OTOA: variants seen among roughly 807,000 people sequenced by gnomAD.
The protein encoded by OTOA is otoancorin, also known as cancer/testis antigen 108.
A neutral mutation model predicts 110.8 loss-of-function variants in OTOA; 70 were observed. The observed-to-expected ratio is 0.63, with a 90% confidence interval of 0.52 to 0.77. The LOEUF (loss-of-function observed/expected upper bound fraction) is 0.77. Ranked by LOEUF, OTOA falls within the 30% of genes least tolerant of loss-of-function variation. OTOA has a pLI of 0.00. For missense variants in OTOA, 917 were observed against 1,075.8 expected, an observed-to-expected ratio of 0.85 and a Z score of 2.06; for synonymous variants, 373 against 431.5, an observed-to-expected ratio of 0.86 and a Z score of 1.68.
chr16:21,701,185 T>A (rs1898046380), intron 11 of OTOA, 158 bp downstream of exon 11: 1 of 1,095,968 alleles, frequency 9.1e-7, no homozygotes, highest in African/African-American at 1.6e-5. Flanking sequence ...GAGAGGTGTC[T>A]GCAACTTTTT....
At position 21,705,289 on chromosome 16, in the gene OTOA, G is replaced by C; in HGVS notation, c.1101G>C (p.Gln367His). The C allele has an allele frequency of 6.2e-7, 1 of 1,613,816 alleles. No homozygotes were observed. The highest frequency in any genetic ancestry group is 8.5e-7 in the Non-Finnish European group (1 of 1,180,012). ...SHLRGFQAGVQKLKAELLDIA... is the reference protein window; with the variant it reads ...SHLRGFQAGVHKLKAELLDIA... ...TGAGGGGCTTCCAGGCTGGCGTCCAGAAGGTACAGCTGGGGTGCAAGGCCC... is the reference window on the plus strand; with the variant it reads ...TGAGGGGCTTCCAGGCTGGCGTCCACAAGGTACAGCTGGGGTGCAAGGCCC... Residue 367 changes from glutamine (Q) to histidine (H), a missense_variant, in exon 12 of 29, where the codon CAG becomes CAC. Transcript: ENST00000646100.
rs951255922 is a variant in OTOA at position 21,722,957 on chromosome 16, C to T, written c.1859C>T (p.Pro620Leu). Residue 620 changes from proline to leucine, a missense_variant, in exon 18 of 29, where the codon CCT (proline) becomes CTT (leucine). By Grantham distance (98) the Pro-to-Leu change is moderately conservative. Around this residue, in one of 6 missense-constraint regions of OTOA, gnomAD observed 840 missense variants for 910.2 expected, o/e 0.92. Transcript: ENST00000646100. ...GAAGTTTCCAGATTGTCTATGCCAC[C>T]TTTCCTCTTGGCTGCACTCCCGTAA... Reference protein sequence around the residue: ...YWEVSRLSMPPFLLAALPARY... With the variant: ...YWEVSRLSMPLFLLAALPARY... 1 of 1,614,130 alleles carries T rather than the reference C, an allele frequency of 6.2e-7. No homozygotes were observed.
At chr16:21,709,660 G>C (rs988838241) in intron 12 of OTOA, among the ~76,000 whole-genome samples, 1 of 152,150 alleles carries the variant, frequency 6.6e-6, no homozygotes, top group Non-Finnish European at 1.5e-5. Flanking sequence ...GAAGTACAAA[G>C]GGAATTTTTG....
In OTOA at chr16:21,728,322, G is replaced by C. The variant is rs749710616; in HGVS notation, c.2098G>C (p.Gly700Arg). The C allele has an allele frequency of 1.7e-5, 28 of 1,614,000 alleles. No homozygotes were observed. Among genetic ancestry groups the C allele is most frequent in the African/African-American group, 4.0e-5 (3 of 74,906 alleles). The change falls in exon 20 of 29, where the codon GGG becomes CGG. Residue 700 changes from glycine to arginine, a missense_variant. Physicochemically the swap from Gly to Arg is moderately radical, Grantham distance 125. Around this residue, in one of 6 missense-constraint regions of OTOA, gnomAD observed 840 missense variants for 910.2 expected, o/e 0.92. Transcript: ENST00000646100. ...CTTGCCGGCAGCCATCATCGACAGG[G>C]GGATCTCCCCCAGGGCTTGGGCGAC... ...CHLPAAIIDR[G>R]ISPRAWATAL...
intron 9 of OTOA, among the ~76,000 whole-genome samples, chr16:21,696,196 T>C (rs1897937551): frequency 6.6e-6 from 1 of 151,932 alleles, no homozygotes; most frequent in African/African-American, 2.4e-5. Flanking sequence ...CCTGGCTGAC[T>C]TGATGGTTTT....
chr16:21,717,109 G>A (rs1898581008), intron 15 of OTOA, 62 bp downstream of exon 15: 4 of 1,598,244 alleles, frequency 2.5e-6, no homozygotes, highest in Non-Finnish European at 3.4e-6. Context: ...GAGAATGAAT[G>A]GTCTGTTTTA....
At chr16:21,692,678 G>A (rs1420381161) in intron 9 of OTOA, among the ~76,000 whole-genome samples, 11 of 152,082 alleles carry the variant, frequency 7.2e-5, no homozygotes, top group Admixed American at 7.2e-4. Context: ...CTACAATCCA[G>A]CACTTTGGGA....
intron 17 of OTOA, among the ~76,000 whole-genome samples, chr16:21,720,896 C>CATTATTATTATT (rs57835405): frequency 0.024 from 3,531 of 147,172 alleles, 56 homozygotes; most frequent in African/African-American, 0.034. Flanking sequence ...TACTAAAACA[C>CATTATTATTATT]ATTATTATTA....
intron 9 of OTOA, among the ~76,000 whole-genome samples, chr16:21,694,659 G>A (rs2141668753): frequency 6.6e-6 from 1 of 152,208 alleles, no homozygotes; most frequent in Non-Finnish European, 1.5e-5. Context: ...GCATCCCAGA[G>A]AGAAATCCCA....
At chr16:21,722,879 A>C in intron 17 of OTOA, 26 bp from the exon 18 acceptor site, 2 of 1,606,964 alleles carry the variant, frequency 1.2e-6, no homozygotes, top group Non-Finnish European at 1.7e-6. Context: ...ACTGCATTAA[A>C]TCCCCAGAAC....
At chr16:21,701,120 G>A in intron 11 of OTOA, 93 bp downstream of exon 11, 2 of 1,576,676 alleles carry the variant, frequency 1.3e-6, no homozygotes, top group Non-Finnish European at 1.7e-6. Context: ...AGGGAGGGAA[G>A]GGAGGTGGCT....
chr16:21,667,268 G>A (rs978250525), intron 1 of OTOA, among the ~76,000 whole-genome samples: 1 of 152,194 alleles, frequency 6.6e-6, no homozygotes, highest in Non-Finnish European at 1.5e-5. Context: ...AAGCATAATT[G>A]TTTTCAAAGC....
At chr16:21,682,232 GC>G (rs1966904928) in intron 6 of OTOA, among the ~76,000 whole-genome samples, 1 of 152,202 alleles carries the variant, frequency 6.6e-6, no homozygotes, top group Non-Finnish European at 1.5e-5. Flanking sequence ...GGGAGTTATT[GC>G]CCATGTGGTG....
At chr16:21,736,235 C>G (rs56065183) in intron 21 of OTOA, 26 bp from the exon 22 acceptor site, 215 of 1,590,278 alleles carry the variant, frequency 1.4e-4, no homozygotes, top group Non-Finnish European at 1.7e-4. Context: ...ATTATTATTC[C>G]TCTTCTTTCA....
intron 1 of OTOA, among the ~76,000 whole-genome samples, chr16:21,668,434 T>TTTTG (rs1966844831): frequency 6.7e-6 from 1 of 150,164 alleles, no homozygotes; most frequent in African/African-American, 2.5e-5. Context: ...TTATGGTATT[T>TTTTG]TTTGTTTGTT....
rs757455374 is a variant in OTOA, at chr16:21,719,408, C to T, written c.1710C>T (p.Gly570=). ...CTAGTGCTGGGCAGCTGGTCAAAGG[C>T]GTGACCTGCTCACACATTGATGCCA... ...ELLSAGQLVK[G]VTCSHIDAMS... The change falls in exon 17 of 29, where the codon GGC becomes GGT. Residue 570 remains glycine (G), a synonymous_variant. Transcript: ENST00000646100. 2.0e-5 allele frequency: 32 copies of T among 1,613,976 alleles called. No individual in the cohort carries two copies. The highest frequency in any genetic ancestry group is 3.3e-4 in the Middle Eastern group (2 of 6,084).
intron 17 of OTOA, chr16:21,721,573 A>G (rs746131008): frequency 5.5e-5 from 24 of 436,234 alleles, no homozygotes; most frequent in Non-Finnish European, 1.1e-4. Context: ...GTTTGCTATT[A>G]CTTTTGAGAG....
At chr16:21,726,408 A>G in intron 18 of OTOA, 115 bp from the exon 19 acceptor site, 2 of 1,458,278 alleles carry the variant, frequency 1.4e-6, no homozygotes, top group Admixed American at 1.7e-5. Context: ...CACTGGGAAG[A>G]ACAAACATTT....
chr16:21,680,184 T>TATCCATCCATCCATCC (rs60446298), intron 5 of OTOA, among the ~76,000 whole-genome samples: 6,036 of 150,122 alleles, frequency 0.04, 149 homozygotes, highest in African/African-American at 0.059. Context: ...TTTATTAATT[T>TATCCATCCATCCATCC]ATCCATCCAT....
Sources: gnomAD v4.1 joint callset for allele counts (sites outside exome capture counted in the v4.1 genomes callset) on GRCh38, gnomAD v4.1.1 for gene constraint, gnomAD v4.1.1 regional missense constraint, MANE v1.5 for transcripts, NCBI Gene and HGNC (gene_info 2026-07-23, HGNC 2026-07-21) for gene names.